Variants in LARGE1 observed in about 807,000 individuals in gnomAD.
The protein encoded by LARGE1 is LARGE xylosyl- and glucuronyltransferase 1.
Under a neutral mutation model 87.6 loss-of-function variants are expected in LARGE1, and 43 were observed. The ratio of observed to expected loss-of-function variants is 0.49; its 90% CI spans 0.38 to 0.63. The LOEUF is 0.63. Ranked by LOEUF, LARGE1 falls within the 30% of genes least tolerant of loss-of-function variation. The pLI is 0.00. For missense variants in LARGE1, 802 were observed against 1,000.2 expected, an observed-to-expected ratio of 0.80 and a Z score of 2.67; for synonymous variants, 434 against 394.6, an observed-to-expected ratio of 1.10 and a Z score of -1.18.
intron 2 of LARGE1, among the ~76,000 whole-genome samples, chr22:33,726,953 C>T (rs749698124): frequency 8.5e-5 from 13 of 152,068 alleles, no homozygotes; most frequent in Non-Finnish European, 1.6e-4. Flanking sequence ...AATGAGAAAG[C>T]AAGGCAATAT....
At chr22:33,155,970 C>G in the LARGE1 span, among the ~76,000 whole-genome samples, 1 of 44,580 alleles carries the variant, frequency 2.2e-5, no homozygotes, top group African/African-American at 7.6e-5. Context: ...GAAGCCCCAA[C>G]CAAGCCTTGC....
chr22:33,371,545 C>G (rs1173713579), intron 9 of LARGE1, among the ~76,000 whole-genome samples: 1 of 152,134 alleles, frequency 6.6e-6, no homozygotes. Context: ...CAGGCTCTTA[C>G]TTAAACAAAC....
intron 10 of LARGE1, among the ~76,000 whole-genome samples, chr22:33,333,509 C>T (rs1245124731): frequency 3.3e-5 from 5 of 152,208 alleles, no homozygotes; most frequent in Non-Finnish European, 7.3e-5. Flanking sequence ...CCTAGCCATG[C>T]CCCCAACATG....
intron 2 of LARGE1, among the ~76,000 whole-genome samples, chr22:33,652,258 A>G (rs2080842281): frequency 6.6e-6 from 1 of 152,110 alleles, no homozygotes; most frequent in South Asian, 2.1e-4. Flanking sequence ...TGCCACCACA[A>G]TGGTGATGTC....
chr22:33,665,003 C>G (rs1287622894), intron 2 of LARGE1, among the ~76,000 whole-genome samples: 1 of 152,212 alleles, frequency 6.6e-6, no homozygotes, highest in Non-Finnish European at 1.5e-5. Context: ...GCTCCCTGGG[C>G]ACCAGCCATG....
chr22:33,862,797 A>G (rs529295418), intron 1 of LARGE1, among the ~76,000 whole-genome samples: 1 of 152,330 alleles, frequency 6.6e-6, no homozygotes, highest in Non-Finnish European at 1.5e-5. Flanking sequence ...ATTAACACAA[A>G]AAGGGCAGTC....
chr22:33,172,319 G>T (rs1295657986), intron 11 of LARGE1, among the ~76,000 whole-genome samples: 1 of 152,222 alleles, frequency 6.6e-6, no homozygotes, highest in Non-Finnish European at 1.5e-5. Flanking sequence ...GCTGGAATGA[G>T]TTAAGACTTT....
intron 2 of LARGE1, among the ~76,000 whole-genome samples, chr22:33,753,242 AAT>A (rs754237537): frequency 1.8e-4 from 27 of 151,968 alleles, no homozygotes; most frequent in Admixed American, 1.3e-4. Context: ...TAATAATAAT[AAT>A]AGTCCTAATA....
intron 5 of LARGE1, among the ~76,000 whole-genome samples, chr22:33,578,332 G>GGAA (rs1196946442): frequency 6.6e-6 from 1 of 152,014 alleles, no homozygotes; most frequent in Non-Finnish European, 1.5e-5. Context: ...ACTGATCAAA[G>GGAA]GAATTCCTAA....
intron 5 of LARGE1, among the ~76,000 whole-genome samples, chr22:33,569,826 T>C (rs2078140512): frequency 6.6e-6 from 1 of 152,238 alleles, no homozygotes; most frequent in Non-Finnish European, 1.5e-5. Context: ...GCCCCTCTCC[T>C]GCACTTGACT....
chr22:33,329,430 T>C (rs1387079207), intron 10 of LARGE1, among the ~76,000 whole-genome samples: 3 of 152,046 alleles, frequency 2.0e-5, no homozygotes, highest in African/African-American at 7.3e-5. Context: ...TGTGGGTTTT[T>C]TTTTTGTGGG....
intron 6 of LARGE1, among the ~76,000 whole-genome samples, chr22:33,456,649 G>T (rs572535964): frequency 6.6e-6 from 1 of 152,276 alleles, no homozygotes; most frequent in East Asian, 1.9e-4. Flanking sequence ...TTTAGCTCCT[G>T]AGAGATTCTA....
the LARGE1 span, among the ~76,000 whole-genome samples, chr22:33,090,868 T>C: frequency 6.6e-6 from 1 of 152,174 alleles, no homozygotes; most frequent in African/African-American, 2.4e-5. Context: ...TACCATATAG[T>C]CAATTTGCCT....
At position 33,583,367 on chromosome 22, in the gene LARGE1, A is replaced by G. The variant is rs80159209; in HGVS notation, c.616-18348T>C. Among the ~76,000 whole-genome samples the G allele has an allele frequency of 9.2e-3, 1,398 of 152,290 alleles. 11 individuals carry two copies. The highest frequency in any genetic ancestry group is 0.058 in the Middle Eastern group (17 of 294). ...GAGAACCATCACAGGGCAAAATATT[A>G]AGTCTGGAGAAAATAAATCAATTTT... On this transcript the variant is annotated intron_variant, in intron 5 of 14. Coordinates refer to ENST00000397394, the MANE Select transcript of LARGE1 (RefSeq NM_133642.5).
At chr22:33,180,496 G>T (rs911355302) in intron 11 of LARGE1, among the ~76,000 whole-genome samples, 2 of 152,158 alleles carry the variant, frequency 1.3e-5, no homozygotes, top group African/African-American at 2.4e-5. Context: ...TGCCTGCTAG[G>T]CACTGTGAAA....
chr22:33,384,399 G>A, intron 7 of LARGE1, 95 bp from the exon 8 acceptor site: 1 of 905,476 alleles, frequency 1.1e-6, no homozygotes, highest in East Asian at 2.5e-5. Flanking sequence ...GTCTCTCGGG[G>A]ATGATTGTCT....
intron 2 of LARGE1, among the ~76,000 whole-genome samples, chr22:33,680,895 A>C (rs1312536944): frequency 6.6e-6 from 1 of 152,210 alleles, no homozygotes; most frequent in Non-Finnish European, 1.5e-5. Flanking sequence ...CTTTGTGTTA[A>C]ATGTGACAAC....
At chr22:33,247,288 T>A (rs1333831866) in intron 11 of LARGE1, among the ~76,000 whole-genome samples, 1 of 152,172 alleles carries the variant, frequency 6.6e-6, no homozygotes, top group Non-Finnish European at 1.5e-5. Context: ...AAAATTGTAG[T>A]CAGTATCTAG....
chr22:33,278,997 C>T (rs1341644497), intron 13 of LARGE1, among the ~76,000 whole-genome samples: 5 of 152,198 alleles, frequency 3.3e-5, no homozygotes, highest in Non-Finnish European at 7.3e-5. Flanking sequence ...GGATTACAGG[C>T]ATGAGCCACC....
Sources: gnomAD v4.1 joint callset for allele counts (sites outside exome capture counted in the v4.1 genomes callset) on GRCh38, gnomAD v4.1.1 for gene constraint, MANE v1.5 for transcripts, NCBI Gene and HGNC (gene_info 2026-07-23, HGNC 2026-07-21) for gene names.